Variants in MAPKAP1 observed in about 807,000 individuals in gnomAD.
The protein encoded by MAPKAP1 is MAPK associated protein 1.
A neutral mutation model predicts 65.7 loss-of-function variants in MAPKAP1; 20 were observed. The ratio of observed to expected loss-of-function variants is 0.30; its 90% confidence interval spans 0.21 to 0.44. The LOEUF (loss-of-function observed/expected upper bound fraction) is 0.44, where lower values mean the gene tolerates loss of function less well. Ranked by LOEUF, MAPKAP1 falls within the 20% of genes least tolerant of loss-of-function variation. The pLI is 1.00. For synonymous variants in MAPKAP1, 222 were observed against 244.3 expected, an observed-to-expected ratio of 0.91 and a Z score of 0.85; for missense variants, 423 against 648.0, an observed-to-expected ratio of 0.65 and a Z score of 3.77.
intron 8 of MAPKAP1, among the ~76,000 whole-genome samples, chr9:125,491,080 G>C (rs1265092562): frequency 6.6e-6 from 1 of 150,752 alleles, no homozygotes; most frequent in Non-Finnish European, 1.5e-5. Context: ...GGAGGCTGAA[G>C]TGAGAGCTGA....
intron 5 of MAPKAP1, among the ~76,000 whole-genome samples, chr9:125,566,517 T>C (rs374879894): frequency 9.9e-5 from 15 of 152,188 alleles, no homozygotes; most frequent in East Asian, 3.9e-4. Flanking sequence ...TGAGCTGCGA[T>C]TGCACCCCTG....
intron 5 of MAPKAP1, among the ~76,000 whole-genome samples, chr9:125,585,021 G>A (rs1019995633): frequency 6.6e-6 from 1 of 152,172 alleles, no homozygotes; most frequent in African/African-American, 2.4e-5. Context: ...AGGTTCTATA[G>A]AAGGCAGAAG....
intron 4 of MAPKAP1, among the ~76,000 whole-genome samples, chr9:125,622,795 GCTCTCCCCTCTCCCCTCTCCC>G (rs138362788): frequency 4.0e-5 from 6 of 149,682 alleles, no homozygotes; most frequent in East Asian, 4.0e-4. Context: ...CAAGGGAGAG[GCTCTCCCCTCTCCCCTCTCCC>G]CTCTCCCCTC....
At chr9:125,652,377 TC>T (rs1159403432) in intron 4 of MAPKAP1, 1 of 603,374 alleles carries the variant, frequency 1.7e-6, no homozygotes, top group African/African-American at 2.0e-5. Context: ...CACTTCAGGC[TC>T]GACATTGTGG....
At chr9:125,673,117 G>A (rs1834541677) in intron 1 of MAPKAP1, among the ~76,000 whole-genome samples, 1 of 152,166 alleles carries the variant, frequency 6.6e-6, no homozygotes, top group Admixed American at 6.5e-5. Flanking sequence ...AAAGGGCACA[G>A]ACAATGCTTT....
At chr9:125,549,320 C>T (rs1830518402) in intron 6 of MAPKAP1, among the ~76,000 whole-genome samples, 1 of 152,228 alleles carries the variant, frequency 6.6e-6, no homozygotes, top group African/African-American at 2.4e-5. Context: ...CACTCTAGTT[C>T]CCAACCTGCT....
chr9:125,499,238 G>T (rs1306573623), intron 8 of MAPKAP1, among the ~76,000 whole-genome samples: 1 of 152,160 alleles, frequency 6.6e-6, no homozygotes, highest in African/African-American at 2.4e-5. Context: ...GGATAGGGAG[G>T]CTGTTCTAAT....
Position 125,484,901 on chromosome 9 carries a change from T to G in MAPKAP1, c.1067-318A>C, listed in dbSNP as rs913138589. Among the ~76,000 whole-genome samples, 3 of 152,166 alleles carry G rather than the reference T, an allele frequency of 2.0e-5. 1 individual carries two copies. The highest frequency in any genetic ancestry group is 4.1e-4 in the South Asian group (2 of 4,830). The stretch of plus-strand genomic sequence containing the variant: ...CAAAAGCACAAGAGCTTGGGTGGTG[T>G]TAGCAGTGTCACGGGTCTTGTTTTT... On this transcript the variant is annotated intron_variant, in intron 8 of 11. Coordinates refer to ENST00000265960, the MANE Select transcript of MAPKAP1 (RefSeq NM_001006617.3).
intron 4 of MAPKAP1, among the ~76,000 whole-genome samples, chr9:125,618,341 CAAAAAAAAAAAAAAA>C (rs60166871): frequency 3.5e-4 from 11 of 31,192 alleles, no homozygotes; most frequent in South Asian, 2.2e-3. Context: ...GGCTCCGTCT[CAAAAAAAAAAAAAAA>C]AAAAAAAAAA....
At chr9:125,705,194 G>A (rs1468600404) in intron 1 of MAPKAP1, among the ~76,000 whole-genome samples, 1 of 152,122 alleles carries the variant, frequency 6.6e-6, no homozygotes, top group African/African-American at 2.4e-5. Context: ...TAAAAAGAGG[G>A]AGATGATGTG....
chr9:125,554,245 C>T (rs953888345), intron 6 of MAPKAP1, among the ~76,000 whole-genome samples: 1 of 152,174 alleles, frequency 6.6e-6, no homozygotes, highest in Non-Finnish European at 1.5e-5. Context: ...TCTTGCTGGT[C>T]TCTGAAAAAT....
rs183293438 is a variant in MAPKAP1 at position 125,488,475 on chromosome 9, C to T, written c.1067-3892G>A. On this transcript the variant is annotated intron_variant, in intron 8 of 11. Coordinates refer to ENST00000265960, the MANE Select transcript of MAPKAP1 (RefSeq NM_001006617.3). Reference sequence around the variant, plus strand: ...CTACCTCCCAGGTTCAAGCAATTCTCCTGCCTCAGCCTCCCAGGTAGCTGA... The same window carrying T: ...CTACCTCCCAGGTTCAAGCAATTCTTCTGCCTCAGCCTCCCAGGTAGCTGA... Among the ~76,000 whole-genome samples the T allele has an allele frequency of 1.2e-3, 188 of 152,338 alleles. 2 individuals carry two copies. Among genetic ancestry groups the T allele is most frequent in the African/African-American group, 4.3e-3 (178 of 41,556 alleles).
chr9:125,532,535 G>A (rs1829962101), intron 7 of MAPKAP1, among the ~76,000 whole-genome samples: 1 of 152,234 alleles, frequency 6.6e-6, no homozygotes, highest in South Asian at 2.1e-4. Context: ...TTAAACATCT[G>A]TCTCAACGGC....
chr9:125,632,535 C>T (rs2131688660), intron 4 of MAPKAP1, among the ~76,000 whole-genome samples: 1 of 152,326 alleles, frequency 6.6e-6, no homozygotes. Context: ...TCATCTTCCT[C>T]TTCCCCTTTT....
At chr9:125,636,413 A>C (rs1251623581) in intron 4 of MAPKAP1, among the ~76,000 whole-genome samples, 1 of 152,254 alleles carries the variant, frequency 6.6e-6, no homozygotes, top group Non-Finnish European at 1.5e-5. Flanking sequence ...CATATATATC[A>C]AGATACAATA....
chr9:125,442,210 C>A (rs1852515753), intron 11 of MAPKAP1, among the ~76,000 whole-genome samples: 1 of 149,720 alleles, frequency 6.7e-6, no homozygotes, highest in Non-Finnish European at 1.5e-5. Context: ...ATCATTAGCT[C>A]TAAGTAAATC....
chr9:125,463,791 C>G (rs1210209700), intron 10 of MAPKAP1, among the ~76,000 whole-genome samples: 1 of 152,156 alleles, frequency 6.6e-6, no homozygotes, highest in Non-Finnish European at 1.5e-5. Context: ...TTTATATGAT[C>G]TATGCTTAAT....
At chr9:125,567,042 C>T (rs944286343) in intron 5 of MAPKAP1, among the ~76,000 whole-genome samples, 7 of 152,188 alleles carry the variant, frequency 4.6e-5, no homozygotes, top group African/African-American at 1.4e-4. Flanking sequence ...CAGTGCATCA[C>T]GGTGTGTGAG....
chr9:125,533,906 AAAT>A (rs1194477237), intron 7 of MAPKAP1, among the ~76,000 whole-genome samples: 1 of 152,234 alleles, frequency 6.6e-6, no homozygotes, highest in Non-Finnish European at 1.5e-5. Context: ...GAAAATTTGG[AAAT>A]AATCTAAACA....
Sources: gnomAD v4.1 joint callset for allele counts (sites outside exome capture counted in the v4.1 genomes callset) on GRCh38, gnomAD v4.1.1 for gene constraint, MANE v1.5 for transcripts, NCBI Gene and HGNC (gene_info 2026-07-23, HGNC 2026-07-21) for gene names.